The following CSMD1 variants were observed in gnomAD, a reference collection of about 807,000 sequenced individuals.
CSMD1 encodes the protein CUB and sushi domain-containing protein 1.
Under a neutral mutation model 417.5 loss-of-function variants are expected in CSMD1, and 213 were observed. That is an observed-to-expected ratio of 0.51 (90% CI 0.46 to 0.57). CSMD1 has a LOEUF of 0.57. CSMD1 is among the 20% of genes least tolerant of loss of function. CSMD1 has a pLI of 0.00. For synonymous variants in CSMD1, 2,862 were observed against 1,736.8 expected, an observed-to-expected ratio of 1.65 and a Z score of -16.11; for missense variants, 6,923 against 4,529.7, an observed-to-expected ratio of 1.53 and a Z score of -15.17.
rs905463774 is a variant in CSMD1 at position 4,750,131 on chromosome 8, G to C, written c.86-112573C>G. On this transcript the variant is annotated intron_variant, in intron 1 of 69. Transcript: ENST00000635120. ...CCCCATTCTCCTGCCTCAGCCTCCC[G>C]AGTAGCTGGGACTACAGGCGCCCGC... Among the ~76,000 whole-genome samples the C allele has an allele frequency of 6.6e-5, 10 of 152,134 alleles. No homozygotes were observed. In the South Asian group the frequency reaches 1.5e-3, roughly 22 times the overall value.
intron 3 of CSMD1, among the ~76,000 whole-genome samples, chr8:4,046,632 A>G (rs370644077): frequency 1.3e-5 from 2 of 152,312 alleles, no homozygotes; most frequent in South Asian, 4.1e-4. Context: ...TTCCATCATA[A>G]CAAACAACAA....
intron 1 of CSMD1, among the ~76,000 whole-genome samples, chr8:4,853,666 G>A (rs764250938): frequency 5.9e-5 from 9 of 152,202 alleles, no homozygotes; most frequent in Admixed American, 3.9e-4. Flanking sequence ...CTACCCAGTG[G>A]AGCTGTGGGA....
At chr8:3,534,880 A>C (rs1798127823) in intron 10 of CSMD1, among the ~76,000 whole-genome samples, 1 of 152,234 alleles carries the variant, frequency 6.6e-6, no homozygotes, top group Non-Finnish European at 1.5e-5. Flanking sequence ...TCTGGGAGCT[A>C]CTTGGTACAA....
At chr8:4,639,524 T>C (rs774724716) in intron 1 of CSMD1, among the ~76,000 whole-genome samples, 3 of 152,220 alleles carry the variant, frequency 2.0e-5, no homozygotes, top group East Asian at 1.9e-4. Context: ...CTATGTTTCT[T>C]ACCTTCTTAA....
intron 1 of CSMD1, chr8:4,788,024 T>A: frequency 6.3e-7 from 1 of 1,589,252 alleles, no homozygotes; most frequent in Non-Finnish European, 8.6e-7. Flanking sequence ...AAGAAGTAAC[T>A]CCTGAAGGGC....
chr8:4,882,783 T>G (rs1258310303), intron 1 of CSMD1, among the ~76,000 whole-genome samples: 1 of 151,976 alleles, frequency 6.6e-6, no homozygotes, highest in East Asian at 1.9e-4. Flanking sequence ...TGCCTTACAC[T>G]GAACACTTCC....
At position 3,540,894 on chromosome 8, in the gene CSMD1, G is replaced by A. The variant is rs569092374; in HGVS notation, c.1344+34051C>T. Reference sequence around the variant, plus strand: ...TCAAGAAACAACAGATGCCGGCGAGGCTGTGGAGAAACAGAAACTCTTTTA... The same window carrying A: ...TCAAGAAACAACAGATGCCGGCGAGACTGTGGAGAAACAGAAACTCTTTTA... On this transcript the variant is annotated intron_variant, in intron 10 of 69. Coordinates refer to ENST00000635120, the MANE Select transcript of CSMD1 (RefSeq NM_033225.6). Among the ~76,000 whole-genome samples the A allele has an allele frequency of 3.3e-5, 5 of 152,330 alleles. No individual in the cohort carries two copies. In the South Asian group the frequency reaches 1.0e-3, roughly 32 times the overall value.
At chr8:3,482,321 G>C (rs1360168576) in intron 11 of CSMD1, among the ~76,000 whole-genome samples, 1 of 152,020 alleles carries the variant, frequency 6.6e-6, no homozygotes, top group Non-Finnish European at 1.5e-5. Flanking sequence ...GATAGTAAAA[G>C]AAACAAAAGA....
At chr8:3,679,556 A>G (rs1268270339) in intron 7 of CSMD1, among the ~76,000 whole-genome samples, 2 of 152,202 alleles carry the variant, frequency 1.3e-5, no homozygotes, top group Non-Finnish European at 2.9e-5. Flanking sequence ...AGACCTACAG[A>G]GAGACTTAGA....
chr8:2,956,317 T>C (rs1803005518), intron 63 of CSMD1, among the ~76,000 whole-genome samples: 1 of 152,084 alleles, frequency 6.6e-6, no homozygotes, highest in African/African-American at 2.4e-5. Context: ...AAATATAATT[T>C]AGGAATAAAT....
chr8:3,958,669 T>C (rs1996897), intron 5 of CSMD1, among the ~76,000 whole-genome samples: 42,294 of 151,876 alleles, frequency 0.28, 6,167 homozygotes, highest in South Asian at 0.47. Flanking sequence ...AAAAACAAAA[T>C]GTCAAAGAGG....
chr8:3,305,846 A>G (rs1584965650), intron 25 of CSMD1, among the ~76,000 whole-genome samples: 1 of 151,790 alleles, frequency 6.6e-6, no homozygotes, highest in Non-Finnish European at 1.5e-5. Flanking sequence ...CGTGTGGCTA[A>G]TTTTTTTGTA....
At chr8:3,840,006 A>G (rs1483138654) in intron 5 of CSMD1, among the ~76,000 whole-genome samples, 1 of 152,140 alleles carries the variant, frequency 6.6e-6, no homozygotes, top group Non-Finnish European at 1.5e-5. Context: ...GGTCATGTCA[A>G]AGCTAAGCTC....
At chr8:4,054,742 T>C (rs1291095360) in intron 3 of CSMD1, among the ~76,000 whole-genome samples, 4 of 152,184 alleles carry the variant, frequency 2.6e-5, no homozygotes, top group African/African-American at 9.6e-5. Flanking sequence ...CATTTTGTGA[T>C]GTGTCATTCT....
At chr8:4,091,927 T>A (rs909896534) in intron 3 of CSMD1, among the ~76,000 whole-genome samples, 1 of 152,188 alleles carries the variant, frequency 6.6e-6, no homozygotes, top group Non-Finnish European at 1.5e-5. Context: ...CCCAGTTCTC[T>A]ATTTAAAAAT....
At chr8:4,342,182 C>T (rs1349804067) in intron 3 of CSMD1, among the ~76,000 whole-genome samples, 1 of 150,840 alleles carries the variant, frequency 6.6e-6, no homozygotes, top group Non-Finnish European at 1.5e-5. Context: ...TTCCCTTATG[C>T]AAACTTGGCA....
In CSMD1 at chr8:3,112,310, T is replaced by G. The variant is rs377283336; in HGVS notation, c.6431-1975A>C. ...CTAGTAATTTAGTGTGGACTTACAA[T>G]GCTAAGGTTTCCCTTTTGCATTTCT... On this transcript the variant is annotated intron_variant, in intron 42 of 69. Coordinates refer to ENST00000635120, the MANE Select transcript of CSMD1 (RefSeq NM_033225.6). Among the ~76,000 whole-genome samples the G allele has an allele frequency of 1.2e-3, 178 of 152,336 alleles. 3 individuals are homozygous for G. In the South Asian group the frequency reaches 0.016, roughly 14 times the overall value.
At chr8:4,655,994 T>C (rs1420526300) in intron 1 of CSMD1, among the ~76,000 whole-genome samples, 1 of 152,008 alleles carries the variant, frequency 6.6e-6, no homozygotes, top group African/African-American at 2.4e-5. Context: ...CAATAAAAAA[T>C]AAACCTACTC....
At chr8:4,046,890 G>A (rs1032325308) in intron 3 of CSMD1, among the ~76,000 whole-genome samples, 24 of 152,060 alleles carry the variant, frequency 1.6e-4, no homozygotes, top group African/African-American at 5.1e-4. Context: ...TGACAATGAG[G>A]CCATCTAAAA....
Sources: gnomAD v4.1 joint callset for allele counts (sites outside exome capture counted in the v4.1 genomes callset) on GRCh38, gnomAD v4.1.1 for gene constraint, MANE v1.5 for transcripts, NCBI Gene and HGNC (gene_info 2026-07-23, HGNC 2026-07-21) for gene names.